Variants in CDC14B observed in about 807,000 individuals in gnomAD.
CDC14B encodes the protein cell division cycle 14B, also known as dual specificity protein phosphatase CDC14B.
In CDC14B, 22 loss-of-function variants were observed where a neutral mutation model predicts 64.2. The ratio of observed to expected loss-of-function variants is 0.34; its 90% confidence interval spans 0.24 to 0.49. The LOEUF (loss-of-function observed/expected upper bound fraction) is 0.49, where lower values mean the gene tolerates loss of function less well. Among genes scored for constraint, CDC14B ranks in the 20% least tolerant of loss-of-function variants. CDC14B has a pLI of 0.99. For missense variants in CDC14B, 498 were observed against 629.9 expected (o/e 0.79, Z 2.24); for synonymous variants, 191 against 215.8 (o/e 0.89, Z 1.01).
intron 1 of CDC14B, chr9:96,566,996 TC>T (rs2132356314): frequency 7.1e-7 from 1 of 1,413,028 alleles, no homozygotes; most frequent in East Asian, 2.6e-5. Flanking sequence ...ACCCCGGAAG[TC>T]CCCAAGTCCT....
intron 4 of CDC14B, among the ~76,000 whole-genome samples, chr9:96,562,308 T>C (rs1324450311): frequency 6.6e-6 from 1 of 152,210 alleles, no homozygotes; most frequent in East Asian, 1.9e-4. Flanking sequence ...AGTGGGGTCC[T>C]GACCCCAGTA....
At chr9:96,534,273 T>C (rs1313750587) in intron 8 of CDC14B, 116 bp from the exon 9 acceptor site, 19 of 797,590 alleles carry the variant, frequency 2.4e-5, no homozygotes, top group Non-Finnish European at 3.8e-5. Flanking sequence ...ACCAATTTGA[T>C]TATAACTGTA....
chr9:96,551,167 C>T (rs1254114659), intron 5 of CDC14B, among the ~76,000 whole-genome samples: 2 of 130,820 alleles, frequency 1.5e-5, no homozygotes, highest in African/African-American at 6.1e-5. Context: ...GGCTTGAGTG[C>T]TGTGGTATGA....
At chr9:96,530,635 T>G (rs770300210) in intron 9 of CDC14B, among the ~76,000 whole-genome samples, 2 of 150,000 alleles carry the variant, frequency 1.3e-5, no homozygotes, top group Non-Finnish European at 2.9e-5. Context: ...TAATTTTACT[T>G]CCCCCTGTCT....
chr9:96,523,810 C>T, intron 9 of CDC14B, 85 bp from the exon 10 acceptor site: 1 of 1,333,016 alleles, frequency 7.5e-7, no homozygotes, highest in Non-Finnish European at 1.0e-6. Context: ...TTTTAAAAGG[C>T]TTCTCATGAC....
At chr9:96,542,107 G>C (rs562287065) in intron 5 of CDC14B, among the ~76,000 whole-genome samples, 1 of 152,270 alleles carries the variant, frequency 6.6e-6, no homozygotes, top group African/African-American at 2.4e-5. Flanking sequence ...TTATGGGCCT[G>C]GATCAATAAT....
chr9:96,611,135 T>C (rs1265842929), intron 1 of CDC14B, among the ~76,000 whole-genome samples: 1 of 151,696 alleles, frequency 6.6e-6, no homozygotes, highest in East Asian at 1.9e-4. Context: ...AACTTTCATA[T>C]AAACTAGAGA....
rs911358219 is a variant in CDC14B, at chr9:96,522,492, G to A, written c.1343+14C>T. The A allele has an allele frequency of 1.5e-5, 24 of 1,568,702 alleles. No homozygotes were observed. The highest frequency in any genetic ancestry group is 2.0e-5 in the Non-Finnish European group (23 of 1,138,708). On this transcript the variant is annotated intron_variant, in intron 12 of 13. Coordinates refer to ENST00000375241, the MANE Select transcript of CDC14B (RefSeq NM_033331.4). ...TGAAGAAACATCAACCACAACAAAG[G>A]AACCCAGACTCACGTGAGAGGAATA...
chr9:96,591,147 C>T (rs906589771), intron 1 of CDC14B, among the ~76,000 whole-genome samples: 36 of 152,142 alleles, frequency 2.4e-4, no homozygotes, highest in African/African-American at 8.7e-4. Flanking sequence ...GCTGCCTGTG[C>T]TTTTGGTATC....
rs1175505568 is a variant in CDC14B, at chr9:96,509,786, T to C, written c.1347A>G (p.Val449=). ...QSKTNAIPLT[V]ILQSSVQSCK... Reference sequence around the variant, plus strand: ...AGCTCTGAACACTGGATTGAAGAATTACTCTGAAAATAGTTGGAAAAAAAT... The same window carrying C: ...AGCTCTGAACACTGGATTGAAGAATCACTCTGAAAATAGTTGGAAAAAAAT... Residue 449 remains valine (V), a synonymous_variant, in exon 13 of 14, where the codon GTA becomes GTG. Coordinates refer to ENST00000375241, the MANE Select transcript of CDC14B (RefSeq NM_033331.4). The C allele has an allele frequency of 1.3e-6, 2 of 1,575,392 alleles. No individual in the cohort carries two copies. Among genetic ancestry groups the C allele is most frequent in the Non-Finnish European group, 1.7e-6 (2 of 1,147,318 alleles).
downstream of CDC14B, among the ~76,000 whole-genome samples, chr9:96,499,791 C>A (rs1214395052): frequency 1.3e-5 from 2 of 152,200 alleles, no homozygotes; most frequent in Non-Finnish European, 2.9e-5. Flanking sequence ...TGACTGGTGT[C>A]CTCTTGAGAG....
At chr9:96,602,141 C>T (rs1321034576) in intron 1 of CDC14B, among the ~76,000 whole-genome samples, 1 of 152,140 alleles carries the variant, frequency 6.6e-6, no homozygotes, top group Non-Finnish European at 1.5e-5. Context: ...ATATTTCTGG[C>T]CTGTTGGATG....
At chr9:96,518,996 CG>C (rs1836219029) in intron 12 of CDC14B, among the ~76,000 whole-genome samples, 1 of 151,820 alleles carries the variant, frequency 6.6e-6, no homozygotes, top group Non-Finnish European at 1.5e-5. Flanking sequence ...TTTAGCCGGG[CG>C]TGGTGGTGGG....
intron 12 of CDC14B, among the ~76,000 whole-genome samples, chr9:96,511,707 C>T (rs944480809): frequency 6.6e-6 from 1 of 152,222 alleles, no homozygotes; most frequent in African/African-American, 2.4e-5. Flanking sequence ...TTCTGTCTCA[C>T]AGAGGGACAT....
chr9:96,607,796 G>C (rs80141055), intron 1 of CDC14B, among the ~76,000 whole-genome samples: 4 of 152,046 alleles, frequency 2.6e-5, no homozygotes, highest in Non-Finnish European at 5.9e-5. Context: ...AGTTGGAAAA[G>C]AATCTCTCCC....
intron 12 of CDC14B, among the ~76,000 whole-genome samples, chr9:96,513,303 G>A (rs1259147621): frequency 6.6e-6 from 1 of 152,056 alleles, no homozygotes; most frequent in Non-Finnish European, 1.5e-5. Flanking sequence ...TGATGAAATC[G>A]GGGTTGGGGG....
At position 96,534,560 on chromosome 9, in the gene CDC14B, G is replaced by A. The variant is rs1463584236; in HGVS notation, c.628-18C>T. 6.4e-7 allele frequency: 1 copy of A among 1,559,560 alleles called. No homozygotes were observed. Among genetic ancestry groups the A allele is most frequent in the Admixed American group, 1.7e-5 (1 of 59,382 alleles). On this transcript the variant is annotated intron_variant, in intron 7 of 13. Transcript: ENST00000375241. The stretch of plus-strand genomic sequence containing the variant: ...TCTGCTTTCTGCAAGGGGAAGACCA[G>A]CACAATTCGTTTTTAAATGTATTCT...
intron 1 of CDC14B, among the ~76,000 whole-genome samples, chr9:96,587,043 T>C (rs1845488462): frequency 1.3e-5 from 2 of 152,108 alleles, no homozygotes; most frequent in South Asian, 4.2e-4. Context: ...CGTGTTGGCG[T>C]GTGCCTGTAA....
chr9:96,522,333 C>G (rs1284178848), intron 12 of CDC14B, among the ~76,000 whole-genome samples, 173 bp downstream of exon 12: 2 of 152,174 alleles, frequency 1.3e-5, no homozygotes, highest in Non-Finnish European at 2.9e-5. Flanking sequence ...AAACAAGGGA[C>G]AGCTGAGAGC....
Sources: allele counts gnomAD v4.1 joint callset (sites outside exome capture counted in the v4.1 genomes callset), GRCh38; gene constraint gnomAD v4.1.1; transcripts MANE v1.5; gene names NCBI Gene and HGNC (gene_info 2026-07-23, HGNC 2026-07-21).